ACOX3: variants seen among roughly 807,000 people sequenced by gnomAD.
ACOX3 encodes peroxisomal acyl-coenzyme A oxidase 3.
Under a neutral mutation model 81.5 loss-of-function variants are expected in ACOX3, and 73 were observed. The ratio of observed to expected loss-of-function variants is 0.90; its 90% CI spans 0.74 to 1.09. ACOX3 has a LOEUF of 1.09. Among genes scored for constraint, ACOX3 ranks in the 50% least tolerant of loss-of-function variants. The probability of loss-of-function intolerance (pLI) is 0.00; values close to 1 mark genes in which losing one functional copy is unlikely to be tolerated. For missense variants in ACOX3, 947 were observed against 928.0 expected, an observed-to-expected ratio of 1.02 and a Z score of -0.27; for synonymous variants, 387 against 375.1, an observed-to-expected ratio of 1.03 and a Z score of -0.37.
chr4:8,382,146 A>G lies in ACOX3; in HGVS notation c.1538-539T>C, dbSNP rs552434458. 1.3e-5 allele frequency among the ~76,000 whole-genome samples: 2 copies of G among 152,244 alleles called. No individual in the cohort carries two copies. The highest frequency in any genetic ancestry group is 4.1e-4 in the South Asian group (2 of 4,828). On this transcript the variant is annotated intron_variant, in intron 13 of 17. Transcript: ENST00000356406. The surrounding 1 kb of genome is among the most constrained non-coding windows in gnomAD (Gnocchi z 4.1). ...GACATGGTGGGGGAGGGGGGAACCTAAGGCCTCACCCCCTGCGTGGCCCCT... is the reference window on the plus strand; with the variant it reads ...GACATGGTGGGGGAGGGGGGAACCTGAGGCCTCACCCCCTGCGTGGCCCCT...
chr4:8,371,016 A>G, intron 16 of ACOX3, 22 bp from the exon 17 acceptor site: 1 of 1,610,368 alleles, frequency 6.2e-7, no homozygotes, highest in Non-Finnish European at 8.5e-7. Context: ...CAAAGCCCAG[A>G]CACTTGGCAC....
At chr4:8,392,032 C>T (rs1719050187) in intron 11 of ACOX3, among the ~76,000 whole-genome samples, 1 of 152,224 alleles carries the variant, frequency 6.6e-6, no homozygotes, top group African/African-American at 2.4e-5. Context: ...TGGGATCTAT[C>T]TAGGGCAGGG....
intron 16 of ACOX3, among the ~76,000 whole-genome samples, chr4:8,371,820 G>A (rs907068910): frequency 2.0e-5 from 3 of 152,280 alleles, no homozygotes; most frequent in Non-Finnish European, 4.4e-5. Flanking sequence ...CCCGACAAAC[G>A]TGTTCCGTAA....
At chr4:8,398,495 C>T (rs1402510127) in intron 8 of ACOX3, among the ~76,000 whole-genome samples, 2 of 152,070 alleles carry the variant, frequency 1.3e-5, no homozygotes, top group Admixed American at 6.6e-5. Flanking sequence ...CTTTCCTTCT[C>T]TTTTGAGACA....
chr4:8,420,578 A>C (rs1722827456), intron 1 of ACOX3, among the ~76,000 whole-genome samples: 1 of 152,220 alleles, frequency 6.6e-6, no homozygotes, highest in Non-Finnish European at 1.5e-5. Context: ...GCACAGGGGG[A>C]GGCACAATGA....
downstream of ACOX3, among the ~76,000 whole-genome samples, chr4:8,363,122 T>G (rs71603927): frequency 0.07 from 10,665 of 152,288 alleles, 415 homozygotes; most frequent in African/African-American, 0.12. Context: ...CTCTGGCTGC[T>G]GCTCAGAAGA....
intron 7 of ACOX3, among the ~76,000 whole-genome samples, chr4:8,404,309 C>T (rs1720689171): frequency 6.6e-6 from 1 of 152,204 alleles, no homozygotes; most frequent in Non-Finnish European, 1.5e-5. Flanking sequence ...GGGTGGCGCT[C>T]TCCTCCCTGC....
At chr4:8,426,539 C>T (rs1452439939) in intron 1 of ACOX3, among the ~76,000 whole-genome samples, 1 of 122,962 alleles carries the variant, frequency 8.1e-6, no homozygotes, top group Non-Finnish European at 1.6e-5. Context: ...TGTTGTCTTA[C>T]CCCCCTTTCA....
chr4:8,396,406 G>A (rs767333528), intron 9 of ACOX3, among the ~76,000 whole-genome samples: 2 of 152,198 alleles, frequency 1.3e-5, no homozygotes, highest in Non-Finnish European at 2.9e-5. Context: ...GCCGGGCACA[G>A]TGACTCATGC....
At chr4:8,408,569 A>C (rs1721285467) in intron 6 of ACOX3, among the ~76,000 whole-genome samples, 1 of 152,214 alleles carries the variant, frequency 6.6e-6, no homozygotes, top group Non-Finnish European at 1.5e-5. Flanking sequence ...ATTCTAGTCC[A>C]GGCAACTCCC....
At chr4:8,427,288 T>A (rs1165862139) in intron 1 of ACOX3, among the ~76,000 whole-genome samples, 1 of 152,206 alleles carries the variant, frequency 6.6e-6, no homozygotes. Flanking sequence ...CGGGCAACCC[T>A]CTTTGGGTCC....
intron 1 of ACOX3, among the ~76,000 whole-genome samples, chr4:8,426,002 T>G (rs1283952095): frequency 6.6e-6 from 1 of 152,112 alleles, no homozygotes; most frequent in Non-Finnish European, 1.5e-5. Flanking sequence ...CCACCTCGCA[T>G]GGCCTGCTCT....
chr4:8,415,826 C>G lies in ACOX3; in HGVS notation c.318G>C (p.Leu106Phe). ...MFKSPLKVPA[L>F]IQCLGMYDSS... ...AGTCATACATGCCCAGGCACTGAAT[C>G]AAGGCGGGGACCTTCAGAGGGCTCT... Residue 106 changes from leucine (L) to phenylalanine (F), a missense_variant, in exon 3 of 18, where the codon TTG becomes TTC. By Grantham distance (22) the Leu-to-Phe change is conservative. Transcript: ENST00000356406. 2 of 1,614,170 alleles carry G rather than the reference C, an allele frequency of 1.2e-6. No individual in the cohort carries two copies. The highest frequency in any genetic ancestry group is 1.7e-6 in the Non-Finnish European group (2 of 1,180,026).
intron 5 of ACOX3, 103 bp from the exon 6 acceptor site, chr4:8,410,458 C>T: frequency 2.1e-6 from 3 of 1,461,256 alleles, no homozygotes; most frequent in South Asian, 2.6e-5. Flanking sequence ...TTCAAAATCT[C>T]TGAGGCAAGA....
intron 14 of ACOX3, among the ~76,000 whole-genome samples, chr4:8,379,380 C>T (rs76852463): frequency 1.6e-4 from 24 of 152,184 alleles, no homozygotes; most frequent in Non-Finnish European, 2.8e-4. Flanking sequence ...GTCTGGAACA[C>T]GAAGCCCTGC....
rs1362494631 is a variant in ACOX3, at chr4:8,375,062, G to C, written c.1744C>G (p.Pro582Ala). ...CGCCCCAGCACGGCCCGCAGCGAGG[G>C]CGGCACGGAAGGCTGGTGCACGTGC... ...HEHVHQPSVPPSLRAVLGRLS... is the reference protein window; with the variant it reads ...HEHVHQPSVPASLRAVLGRLS... The change falls in exon 15 of 18, where the codon CCC (proline) becomes GCC (alanine). Residue 582 changes from proline to alanine, a missense_variant. Physicochemically the swap from Pro to Ala is conservative, Grantham distance 27. Coordinates refer to ENST00000356406, the MANE Select transcript of ACOX3 (RefSeq NM_003501.3). The C allele has an allele frequency of 6.4e-7, 1 of 1,554,782 alleles. No homozygotes were observed. The highest frequency in any genetic ancestry group is 1.2e-5 in the South Asian group (1 of 84,390).
chr4:8,372,755 C>A (rs1308813192), intron 16 of ACOX3, among the ~76,000 whole-genome samples: 3 of 152,126 alleles, frequency 2.0e-5, no homozygotes, highest in African/African-American at 7.2e-5. Flanking sequence ...AGATGAAAGG[C>A]CACGTCTGCA....
intron 1 of ACOX3, among the ~76,000 whole-genome samples, chr4:8,435,273 G>A (rs902996559): frequency 1.3e-5 from 2 of 152,132 alleles, no homozygotes; most frequent in Admixed American, 6.5e-5. Context: ...GGCAGATCAC[G>A]AGGTCAGGAG....
intron 1 of ACOX3, among the ~76,000 whole-genome samples, chr4:8,424,471 G>A (rs2109018315): frequency 6.6e-6 from 1 of 152,364 alleles, no homozygotes; most frequent in South Asian, 2.1e-4. Flanking sequence ...GGAAACTGAT[G>A]TAGTGGCAAA....
Sources: gnomAD v4.1 joint callset for allele counts (sites outside exome capture counted in the v4.1 genomes callset) on GRCh38, gnomAD v4.1.1 for gene constraint, Gnocchi (gnomAD v3.1) non-coding constraint, MANE v1.5 for transcripts, NCBI Gene and HGNC (gene_info 2026-07-23, HGNC 2026-07-21) for gene names.